PTPRT: variants seen among roughly 807,000 people sequenced by gnomAD.
PTPRT encodes the protein receptor-type tyrosine-protein phosphatase T.
A neutral mutation model predicts 176.8 loss-of-function variants in PTPRT; 56 were observed. That is an observed-to-expected ratio of 0.32 (90% CI 0.26 to 0.40). PTPRT has a LOEUF of 0.40. PTPRT is among the 10% of genes least tolerant of loss of function. The probability of loss-of-function intolerance (pLI) is 1.00; values close to 1 mark genes in which losing one functional copy is unlikely to be tolerated. For synonymous variants in PTPRT, 783 were observed against 739.0 expected (o/e 1.06, Z -0.96); for missense variants, 1,540 against 1,908.2 (o/e 0.81, Z 3.60).
At chr20:42,071,502 A>C (rs1982333274), downstream of PTPRT, among the ~76,000 whole-genome samples, 1 of 152,084 alleles carries the variant, frequency 6.6e-6, no homozygotes, top group Non-Finnish European at 1.5e-5. Flanking sequence ...CCTAGCTCCT[A>C]TCCTGGACCT....
chr20:42,265,664 C>G (rs911056721), intron 13 of PTPRT, among the ~76,000 whole-genome samples: 12 of 152,126 alleles, frequency 7.9e-5, no homozygotes, highest in African/African-American at 2.9e-4. Context: ...GTTCTCCTGC[C>G]TCTGGTTCCT....
intron 12 of PTPRT, among the ~76,000 whole-genome samples, chr20:42,297,714 C>G (rs2057408351): frequency 6.6e-6 from 1 of 152,054 alleles, no homozygotes; most frequent in South Asian, 2.1e-4. Context: ...GAAAAACACC[C>G]AAGAACATAT....
intron 9 of PTPRT, among the ~76,000 whole-genome samples, chr20:42,438,025 G>T (rs2059278102): frequency 6.6e-6 from 1 of 152,164 alleles, no homozygotes; most frequent in Non-Finnish European, 1.5e-5. Flanking sequence ...CTGCCTCTGG[G>T]CACAGTTTAT....
At chr20:42,974,874 C>A (rs952727645) in intron 1 of PTPRT, among the ~76,000 whole-genome samples, 1 of 152,194 alleles carries the variant, frequency 6.6e-6, no homozygotes, top group African/African-American at 2.4e-5. Context: ...CGTTCCAAAT[C>A]AGAAATGTAC....
chr20:42,746,621 T>A (rs2076694431), intron 6 of PTPRT, among the ~76,000 whole-genome samples: 1 of 126,584 alleles, frequency 7.9e-6, no homozygotes, highest in East Asian at 2.4e-4. Flanking sequence ...ACAATAGCAG[T>A]CATGGGAAAA....
intron 6 of PTPRT, among the ~76,000 whole-genome samples, chr20:42,683,459 G>A (rs1723909922): frequency 6.6e-6 from 1 of 152,026 alleles, no homozygotes; most frequent in South Asian, 2.1e-4. Flanking sequence ...TGTACTTTTA[G>A]TAGAGACGTG....
At chr20:42,564,765 A>C (rs1568980636) in intron 7 of PTPRT, among the ~76,000 whole-genome samples, 3 of 152,206 alleles carry the variant, frequency 2.0e-5, no homozygotes, top group African/African-American at 7.2e-5. Flanking sequence ...AATAAAAATA[A>C]TAATAATACA....
At chr20:43,080,566 C>G (rs1040504638) in intron 1 of PTPRT, among the ~76,000 whole-genome samples, 3 of 152,178 alleles carry the variant, frequency 2.0e-5, no homozygotes, top group African/African-American at 7.2e-5. Flanking sequence ...AAATTTGTAG[C>G]AGACATTAGC....
chr20:42,203,732 G>A (rs6030049), intron 15 of PTPRT, among the ~76,000 whole-genome samples: 32 of 152,280 alleles, frequency 2.1e-4, no homozygotes, highest in African/African-American at 7.0e-4. Context: ...TGGCAAAGAC[G>A]GGCATTAAAC....
intron 7 of PTPRT, among the ~76,000 whole-genome samples, chr20:42,657,698 G>T (rs553281055): frequency 6.6e-6 from 1 of 152,190 alleles, no homozygotes; most frequent in African/African-American, 2.4e-5. Flanking sequence ...TAATAATGCA[G>T]AATAATTCTT....
chr20:43,087,045 C>T (rs2011626053), intron 1 of PTPRT, among the ~76,000 whole-genome samples: 1 of 152,138 alleles, frequency 6.6e-6, no homozygotes, highest in Admixed American at 6.5e-5. Flanking sequence ...AAATTCATGC[C>T]CCTTTGCAGG....
intron 1 of PTPRT, among the ~76,000 whole-genome samples, chr20:42,896,262 G>A (rs2079294959): frequency 1.3e-5 from 2 of 151,978 alleles, no homozygotes; most frequent in Non-Finnish European, 2.9e-5. Context: ...CAACCAAGGC[G>A]ACCTCCAAGA....
chr20:42,885,776 A>C, intron 2 of PTPRT, 31 bp downstream of exon 2: 1 of 1,588,214 alleles, frequency 6.3e-7, no homozygotes, highest in Non-Finnish European at 8.6e-7. Context: ...AGCCATCCCC[A>C]TTACAGCCCC....
At chr20:42,296,452 A>C (rs138067399) in intron 12 of PTPRT, among the ~76,000 whole-genome samples, 6,351 of 152,036 alleles carry the variant, frequency 0.042, 184 homozygotes, top group Non-Finnish European at 0.06. Flanking sequence ...TCTCAAAAAA[A>C]AAAAAAAAGT....
At chr20:42,107,342 C>CAG (rs1986560259) in intron 23 of PTPRT, among the ~76,000 whole-genome samples, 1 of 152,176 alleles carries the variant, frequency 6.6e-6, no homozygotes, top group African/African-American at 2.4e-5. Context: ...GTCCCCAAGA[C>CAG]AGAGAGTGGT....
intron 12 of PTPRT, among the ~76,000 whole-genome samples, chr20:42,284,579 C>T (rs982194631): frequency 3.3e-5 from 5 of 152,062 alleles, no homozygotes; most frequent in Non-Finnish European, 7.4e-5. Context: ...TGATATTCAT[C>T]TGTTAATCAG....
At chr20:43,053,047 C>A (rs1191475907) in intron 1 of PTPRT, among the ~76,000 whole-genome samples, 1 of 134,756 alleles carries the variant, frequency 7.4e-6, no homozygotes, top group Non-Finnish European at 1.5e-5. Flanking sequence ...ATGGAATATG[C>A]CTCAGACATA....
At chr20:42,980,398 T>C (rs1983207768) in intron 1 of PTPRT, among the ~76,000 whole-genome samples, 4 of 152,230 alleles carry the variant, frequency 2.6e-5, no homozygotes, top group Admixed American at 2.6e-4. Flanking sequence ...TGAACTTGTA[T>C]TCGTGACCCC....
At chr20:42,763,056 C>A (rs557048974) in intron 5 of PTPRT, among the ~76,000 whole-genome samples, 174 of 152,322 alleles carry the variant, frequency 1.1e-3, no homozygotes, top group Non-Finnish European at 2.0e-3. Flanking sequence ...CTTCCACCCC[C>A]AGGCAAGACC....
Sources: allele counts gnomAD v4.1 joint callset (sites outside exome capture counted in the v4.1 genomes callset), GRCh38; gene constraint gnomAD v4.1.1; transcripts MANE v1.5; gene names NCBI Gene and HGNC (gene_info 2026-07-23, HGNC 2026-07-21).